Variants in CCDC171 observed in about 807,000 individuals in gnomAD.
The protein encoded by CCDC171 is coiled-coil domain-containing protein 171.
A neutral mutation model predicts 168.2 loss-of-function variants in CCDC171; 177 were observed. The observed-to-expected ratio is 1.05, with a 90% CI of 0.93 to 1.19. CCDC171 has a LOEUF of 1.19. Ranked by LOEUF, CCDC171 falls within the 50% of genes most tolerant of loss-of-function variation. CCDC171 has a pLI of 0.00. For missense variants in CCDC171, 1,991 were observed against 1,539.0 expected, an observed-to-expected ratio of 1.29 and a Z score of -4.91; for synonymous variants, 687 against 540.8, an observed-to-expected ratio of 1.27 and a Z score of -3.75.
At chr9:15,794,279 A>C (rs1252109060) in intron 21 of CCDC171, among the ~76,000 whole-genome samples, 1 of 152,164 alleles carries the variant, frequency 6.6e-6, no homozygotes, top group Admixed American at 6.5e-5. Flanking sequence ...AGCCTGGCCA[A>C]CATGGTGAAA....
chr9:15,918,765 A>G (rs947124823), intron 24 of CCDC171, among the ~76,000 whole-genome samples: 1 of 151,542 alleles, frequency 6.6e-6, no homozygotes, highest in Non-Finnish European at 1.5e-5. Context: ...CTTTTTTTCA[A>G]CTTGAACAGA....
At chr9:15,959,190 A>G (rs898695827) in intron 25 of CCDC171, among the ~76,000 whole-genome samples, 1 of 152,144 alleles carries the variant, frequency 6.6e-6, no homozygotes, top group Non-Finnish European at 1.5e-5. Flanking sequence ...TTTTATCTGC[A>G]GTTCTAGGGT....
At chr9:16,002,765 A>C (rs1204003058) in intron 3 of CCDC171, among the ~76,000 whole-genome samples, 3 of 152,218 alleles carry the variant, frequency 2.0e-5, no homozygotes, top group Non-Finnish European at 4.4e-5. Flanking sequence ...CATTCATGGT[A>C]AGTGCCCTCT....
chr9:15,699,533 T>C (rs1564237902), intron 11 of CCDC171, among the ~76,000 whole-genome samples: 1 of 152,134 alleles, frequency 6.6e-6, no homozygotes, highest in South Asian at 2.1e-4. Context: ...AGGGCACTGA[T>C]TGGTGCGTTT....
intron 21 of CCDC171, among the ~76,000 whole-genome samples, chr9:15,812,752 G>C (rs1003714317): frequency 1.3e-5 from 2 of 152,156 alleles, no homozygotes; most frequent in African/African-American, 4.8e-5. Flanking sequence ...TGCCCAACAA[G>C]ATTTCATTAT....
chr9:15,642,938 C>A (rs1441095282), intron 7 of CCDC171, among the ~76,000 whole-genome samples: 1 of 152,014 alleles, frequency 6.6e-6, no homozygotes, highest in Non-Finnish European at 1.5e-5. Flanking sequence ...ACTGAATATT[C>A]TGCATTTAAC....
intron 3 of CCDC171, among the ~76,000 whole-genome samples, chr9:16,008,858 A>G (rs2987044): frequency 0.84 from 128,253 of 152,118 alleles, 54,107 homozygotes; most frequent in East Asian, 0.96. Context: ...ATGCCCATCT[A>G]TAAAACATCA....
chr9:15,678,679 G>C (rs548291449), intron 9 of CCDC171, 79 bp from the exon 10 acceptor site: 113 of 1,170,744 alleles, frequency 9.7e-5, no homozygotes, highest in Non-Finnish European at 1.3e-4. Context: ...TAGTACATCT[G>C]CCATATGTAT....
At chr9:15,887,363 A>T (rs1819569314) in intron 24 of CCDC171, among the ~76,000 whole-genome samples, 1 of 152,170 alleles carries the variant, frequency 6.6e-6, no homozygotes, top group South Asian at 2.1e-4. Flanking sequence ...GGAGCCTTCT[A>T]GTAACAGTAG....
At chr9:15,798,706 C>T (rs1160823913) in intron 21 of CCDC171, among the ~76,000 whole-genome samples, 1 of 152,144 alleles carries the variant, frequency 6.6e-6, no homozygotes, top group Admixed American at 6.5e-5. Context: ...TCTGTGGCTG[C>T]TTTCTTACTA....
intron 23 of CCDC171, among the ~76,000 whole-genome samples, chr9:15,856,075 A>T (rs116023693): frequency 1.3e-4 from 19 of 151,898 alleles, no homozygotes; most frequent in African/African-American, 4.1e-4. Flanking sequence ...GACTCCCTTT[A>T]GCATTTCTTA....
intron 11 of CCDC171, among the ~76,000 whole-genome samples, chr9:15,717,182 G>A (rs917706149): frequency 6.6e-6 from 1 of 152,166 alleles, no homozygotes; most frequent in Admixed American, 6.5e-5. Context: ...ACTTGGGGAA[G>A]GGAGAGCACA....
chr9:16,034,644 T>G (rs10810523), intron 6 of CCDC171, among the ~76,000 whole-genome samples: 57,025 of 152,100 alleles, frequency 0.37, 12,563 homozygotes, highest in East Asian at 0.63. Flanking sequence ...TCCATCAGAA[T>G]GGACAAGGGG....
chr9:15,906,987 C>T (rs1440707407), intron 24 of CCDC171, among the ~76,000 whole-genome samples: 1 of 152,034 alleles, frequency 6.6e-6, no homozygotes, highest in African/African-American at 2.4e-5. Context: ...CTACAAACCA[C>T]TGCTCAATGA....
chr9:15,585,751 G>A (rs2041507106), intron 4 of CCDC171, among the ~76,000 whole-genome samples: 1 of 152,134 alleles, frequency 6.6e-6, no homozygotes, highest in South Asian at 2.1e-4. Context: ...GTGGAGGCGG[G>A]TGGATCGCTT....
upstream of CCDC171, among the ~76,000 whole-genome samples, chr9:16,041,211 T>G (rs1386210562): frequency 2.0e-5 from 3 of 152,174 alleles, no homozygotes; most frequent in African/African-American, 2.4e-5. Context: ...CTGTTCAGAT[T>G]GGTGTGTTCA....
intron 21 of CCDC171, among the ~76,000 whole-genome samples, chr9:15,790,904 T>G (rs2058223727): frequency 6.6e-6 from 1 of 152,214 alleles, no homozygotes; most frequent in Non-Finnish European, 1.5e-5. Context: ...ATCAGATGGT[T>G]GTAGACATGT....
intron 1 of CCDC171, among the ~76,000 whole-genome samples, chr9:15,554,777 T>G (rs943966910): frequency 6.6e-6 from 1 of 152,172 alleles, no homozygotes. Flanking sequence ...CTTAGCCAGA[T>G]GTGGATTTGA....
intron 25 of CCDC171, among the ~76,000 whole-genome samples, chr9:15,965,914 A>G (rs1488591538): frequency 1.3e-5 from 2 of 152,210 alleles, no homozygotes; most frequent in Admixed American, 1.3e-4. Context: ...GCTAAATCTA[A>G]TTGCGACATA....
Sources: gnomAD v4.1 joint callset for allele counts (sites outside exome capture counted in the v4.1 genomes callset) on GRCh38, gnomAD v4.1.1 for gene constraint, MANE v1.5 for transcripts, NCBI Gene and HGNC (gene_info 2026-07-23, HGNC 2026-07-21) for gene names.